The following COL19A1 variants were observed in gnomAD, a reference collection of about 807,000 sequenced individuals.
COL19A1 encodes the protein collagen alpha-1(XIX) chain.
A neutral mutation model predicts 190.2 loss-of-function variants in COL19A1; 159 were observed. That is an observed-to-expected ratio of 0.84 (90% CI 0.73 to 0.95). The LOEUF (loss-of-function observed/expected upper bound fraction) is 0.95, where lower values mean the gene tolerates loss of function less well. Among genes scored for constraint, COL19A1 ranks in the 40% least tolerant of loss-of-function variants. The pLI, the probability that COL19A1 is intolerant of heterozygous loss-of-function variation, is 0.00. For synonymous variants in COL19A1, 509 were observed against 458.9 expected, an observed-to-expected ratio of 1.11 and a Z score of -1.39; for missense variants, 1,418 against 1,431.9, an observed-to-expected ratio of 0.99 and a Z score of 0.16.
At chr6:70,107,815 T>TGAAAGCCCC (rs1784064609) in intron 16 of COL19A1, among the ~76,000 whole-genome samples, 1 of 152,196 alleles carries the variant, frequency 6.6e-6, no homozygotes, top group Non-Finnish European at 1.5e-5. Flanking sequence ...TCCCGAGATT[T>TGAAAGCCCC]ACAGCCTCTT....
At chr6:70,022,412 G>C (rs1015597787) in intron 11 of COL19A1, among the ~76,000 whole-genome samples, 3 of 152,140 alleles carry the variant, frequency 2.0e-5, no homozygotes, top group African/African-American at 7.2e-5. Flanking sequence ...ACAATGCATA[G>C]ATTAACCACT....
At chr6:69,879,505 C>A (rs1400375736) in intron 1 of COL19A1, 31 bp from the exon 2 acceptor site, 14 of 1,386,904 alleles carry the variant, frequency 1.0e-5, no homozygotes, top group African/African-American at 1.4e-5. Flanking sequence ...ATACAATAAA[C>A]TTTATTCAAA....
At chr6:70,133,389 C>A (rs1474519338) in intron 18 of COL19A1, among the ~76,000 whole-genome samples, 1 of 152,124 alleles carries the variant, frequency 6.6e-6, no homozygotes, top group African/African-American at 2.4e-5. Flanking sequence ...AAGAACACTA[C>A]GATACAGGGA....
intron 49 of COL19A1, among the ~76,000 whole-genome samples, chr6:70,205,200 C>T (rs2150311240): frequency 6.6e-6 from 1 of 152,196 alleles, no homozygotes; most frequent in Non-Finnish European, 1.5e-5. Flanking sequence ...CTTTTTTCCA[C>T]TAGTTTCACA....
chr6:70,059,697 C>A (rs1342124293), intron 14 of COL19A1: 3 of 432,562 alleles, frequency 6.9e-6, no homozygotes, highest in Non-Finnish European at 1.4e-5. Context: ...TTTTTAATGT[C>A]CAGAATTGTG....
At chr6:69,969,877 A>G (rs1016213640) in intron 11 of COL19A1, among the ~76,000 whole-genome samples, 6 of 152,152 alleles carry the variant, frequency 3.9e-5, no homozygotes, top group African/African-American at 1.4e-4. Context: ...ATGATCTCTC[A>G]TCTTCCAACA....
chr6:70,008,857 G>A (rs564263180), intron 11 of COL19A1, among the ~76,000 whole-genome samples: 5 of 151,900 alleles, frequency 3.3e-5, no homozygotes, highest in African/African-American at 1.2e-4. Flanking sequence ...AACCTTGAAA[G>A]AGTGGTTTAA....
intron 14 of COL19A1, among the ~76,000 whole-genome samples, chr6:70,062,113 C>T (rs911995827): frequency 6.6e-6 from 1 of 151,590 alleles, no homozygotes; most frequent in Non-Finnish European, 1.5e-5. Context: ...TTAAATTGCT[C>T]CCAAAGTAGA....
intron 9 of COL19A1, among the ~76,000 whole-genome samples, chr6:69,957,641 A>G (rs994839227): frequency 1.3e-5 from 2 of 152,204 alleles, no homozygotes; most frequent in Admixed American, 6.5e-5. Context: ...ATAATGAACT[A>G]AAGTATTGAT....
intron 2 of COL19A1, among the ~76,000 whole-genome samples, chr6:69,882,226 G>C (rs960508559): frequency 2.0e-5 from 3 of 152,138 alleles, no homozygotes; most frequent in Non-Finnish European, 4.4e-5. Context: ...AGAGTAATAT[G>C]GAGAGATTCA....
chr6:70,070,567 A>G (rs947912233), intron 15 of COL19A1, among the ~76,000 whole-genome samples: 4 of 152,172 alleles, frequency 2.6e-5, no homozygotes. Flanking sequence ...AAATAATTAT[A>G]TGCATTTGGA....
intron 13 of COL19A1, among the ~76,000 whole-genome samples, chr6:70,035,283 T>C (rs546944758): frequency 1.3e-5 from 2 of 152,330 alleles, no homozygotes; most frequent in African/African-American, 4.8e-5. Context: ...TAGTGAACTT[T>C]TAGATGAACC....
intron 11 of COL19A1, among the ~76,000 whole-genome samples, chr6:69,979,468 T>G (rs1300238883): frequency 6.6e-6 from 1 of 151,888 alleles, no homozygotes; most frequent in Non-Finnish European, 1.5e-5. Context: ...CAATATTCAT[T>G]CCTAATAAGA....
At chr6:69,932,028 A>G (rs1407682334) in intron 6 of COL19A1, among the ~76,000 whole-genome samples, 3 of 152,100 alleles carry the variant, frequency 2.0e-5, no homozygotes, top group African/African-American at 7.2e-5. Flanking sequence ...AAGAATTCAA[A>G]CAGCCTATTT....
chr6:69,909,764 A>AT (rs1770787713), intron 4 of COL19A1, among the ~76,000 whole-genome samples: 1 of 152,068 alleles, frequency 6.6e-6, no homozygotes, highest in Non-Finnish European at 1.5e-5. Context: ...CTGATATACG[A>AT]TTTTCCCCAC....
chr6:70,100,240 A>T (rs1783541113), intron 15 of COL19A1, among the ~76,000 whole-genome samples: 1 of 152,150 alleles, frequency 6.6e-6, no homozygotes, highest in Non-Finnish European at 1.5e-5. Flanking sequence ...TGTTGTTGTG[A>T]ATTAATAAAT....
At chr6:70,021,847 G>A (rs1217822675) in intron 11 of COL19A1, among the ~76,000 whole-genome samples, 1 of 151,984 alleles carries the variant, frequency 6.6e-6, no homozygotes, top group Non-Finnish European at 1.5e-5. Flanking sequence ...CTGCTGTATC[G>A]GACAGCACAA....
intron 2 of COL19A1, chr6:69,889,818 GA>G (rs1167220318): frequency 6.6e-6 from 1 of 152,024 alleles, no homozygotes; most frequent in Non-Finnish European, 1.5e-5. Context: ...TGTGGGTGGG[GA>G]AAAATAAGGG....
chr6:70,207,173 G>T lies in COL19A1; in HGVS notation c.3328G>T (p.Ala1110Ser). The T allele has an allele frequency of 6.2e-7, 1 of 1,613,538 alleles. No individual in the cohort carries two copies. Among genetic ancestry groups the T allele is most frequent in the South Asian group, 1.1e-5 (1 of 91,036 alleles). ...TCTGGGTTTGCCAGGCTCACCAGGT[G>T]CCCCAGGCCCACAGGGCCCCCCAGG... ...SALGLPGSPG[A>S]PGPQGPPGPS... is the part of the protein sequence containing the mutation. The change falls in exon 51 of 51, where the codon GCC becomes TCC. Residue 1110 changes from alanine to serine, a missense_variant. Transcript: ENST00000620364.
Sources: gnomAD v4.1 joint callset for allele counts (sites outside exome capture counted in the v4.1 genomes callset) on GRCh38, gnomAD v4.1.1 for gene constraint, MANE v1.5 for transcripts, NCBI Gene and HGNC (gene_info 2026-07-23, HGNC 2026-07-21) for gene names.